Variants in LMNB2 observed in about 807,000 individuals in gnomAD.
The protein encoded by LMNB2 is lamin-B2.
LMNB2 carries 17 observed loss-of-function variants against 69.3 expected under a neutral mutation model. The observed-to-expected ratio is 0.25, with a 90% CI of 0.17 to 0.37. LMNB2 has a LOEUF of 0.37. LMNB2 is among the 10% of genes least tolerant of loss of function. LMNB2 has a pLI of 1.00. For missense variants in LMNB2, 789 were observed against 883.6 expected (o/e 0.89, Z 1.36); for synonymous variants, 397 against 389.3 (o/e 1.02, Z -0.23).
chr19:2,452,953 C>A lies in LMNB2; in HGVS notation c.264+3717G>T, dbSNP rs75153795. On this transcript the variant is annotated intron_variant, in intron 1 of 11. Coordinates refer to ENST00000325327, the MANE Select transcript of LMNB2 (RefSeq NM_032737.4). ...GGGGGCTGCGTCATCCTCATGGGGG[C>A]TGGGTCATCCTAATGGGGGATGGGT... Among the ~76,000 whole-genome samples the A allele has an allele frequency of 3.6e-4, 33 of 91,464 alleles. No individual in the cohort carries two copies. The East Asian group carries it at 6.9e-3, about 19-fold the overall frequency. The allele number at this position is 91,464 out of a possible 152,430, so 60.0% of individuals were successfully genotyped here.
chr19:2,439,546 C>A (rs901564143), intron 2 of LMNB2, among the ~76,000 whole-genome samples: 1 of 152,104 alleles, frequency 6.6e-6, no homozygotes, highest in Non-Finnish European at 1.5e-5. Flanking sequence ...CAGGAATCAC[C>A]CAGTGTCCCC....
At position 2,453,834 on chromosome 19, in the gene LMNB2, T is replaced by C. The variant is rs567028618; in HGVS notation, c.264+2836A>G. Among the ~76,000 whole-genome samples, 17 of 152,230 alleles carry C rather than the reference T, an allele frequency of 1.1e-4. No individual in the cohort carries two copies. The highest frequency in any genetic ancestry group is 3.1e-4 in the African/African-American group (13 of 41,556). The stretch of plus-strand genomic sequence containing the variant: ...AAGCTCCCTGCAGCTGTTCGTCCCA[T>C]TGGCAGGTGGGATAACAGAGGCCCA... On this transcript the variant is annotated intron_variant, in intron 1 of 11. Transcript: ENST00000325327. The surrounding 1 kb of genome is among the most constrained non-coding windows in gnomAD (Gnocchi z 4.4).
rs768869967 is a variant in LMNB2 at position 2,434,006 on chromosome 19, A to T, written c.1302T>A (p.Ser434Arg). Residue 434 changes from serine to arginine, a missense_variant, in exon 8 of 12, where the codon AGT becomes AGA. Ser to Arg is a moderately radical substitution (Grantham distance 110). Coordinates refer to ENST00000325327, the MANE Select transcript of LMNB2 (RefSeq NM_032737.4). Reference protein sequence around the residue: ...SLSATGRLGRSKRKRLEVEEP... With the variant: ...SLSATGRLGRRKRKRLEVEEP... ...CCTCCACCTCCAGCCGCTTCCGCTT[A>T]CTGCGGCCCAGGCGCCCGGTGGCGG... The T allele has an allele frequency of 9.3e-6, 15 of 1,608,928 alleles. No individual in the cohort carries two copies. The highest frequency in any genetic ancestry group is 1.2e-5 in the Non-Finnish European group (14 of 1,178,738).
intron 1 of LMNB2, among the ~76,000 whole-genome samples, chr19:2,454,560 G>A (rs1043409085): frequency 2.6e-5 from 4 of 152,254 alleles, no homozygotes; most frequent in Middle Eastern, 3.4e-3. Flanking sequence ...AGGTCACACA[G>A]AGGGTAAGTG....
intron 1 of LMNB2, among the ~76,000 whole-genome samples, 187 bp from the exon 2 acceptor site, chr19:2,444,727 T>C (rs1971934473): frequency 6.6e-6 from 1 of 152,138 alleles, no homozygotes; most frequent in African/African-American, 2.4e-5. Context: ...GGGAGCCCCC[T>C]GTCGGGGAGG....
At chr19:2,450,393 T>C (rs1015159986) in intron 1 of LMNB2, among the ~76,000 whole-genome samples, 2 of 151,880 alleles carry the variant, frequency 1.3e-5, no homozygotes, top group African/African-American at 4.8e-5. Flanking sequence ...GAAGTCTGAA[T>C]ACATGATGGA....
chr19:2,456,009 G>A (rs1169901638), intron 1 of LMNB2, among the ~76,000 whole-genome samples: 2 of 151,184 alleles, frequency 1.3e-5, no homozygotes, highest in Non-Finnish European at 3.0e-5. Context: ...CGCGCACCCC[G>A]CGGTGGCCAG....
At chr19:2,454,678 G>A (rs974865895) in intron 1 of LMNB2, among the ~76,000 whole-genome samples, 6 of 152,066 alleles carry the variant, frequency 3.9e-5, no homozygotes, top group East Asian at 1.9e-4. Flanking sequence ...TGCAAATCCC[G>A]ACTTCGGCAC....
In LMNB2 at chr19:2,431,652, C is replaced by T; in HGVS notation, c.1717G>A (p.Ala573Thr). ...VLVNADGEEV[A>T]MRTVKKSSVM... is the part of the protein sequence containing the mutation. ...GAGGACTTCTTCACAGTCCTCATGG[C>T]CACTTCCTGTGCGGGACAGGACACG... Residue 573 changes from alanine (A) to threonine (T), a missense_variant, in exon 11 of 12, where the codon GCC becomes ACC. Ala to Thr is a moderately conservative substitution (Grantham distance 58). Transcript: ENST00000325327. 1.2e-6 allele frequency: 2 copies of T among 1,614,150 alleles called. No homozygotes were observed. Among genetic ancestry groups the T allele is most frequent in the Non-Finnish European group, 1.7e-6 (2 of 1,180,010 alleles).
rs142576899 is a variant in LMNB2 at position 2,446,687 on chromosome 19, C to T, written c.265-2147G>A. Among the ~76,000 whole-genome samples, 1,165 of 152,326 alleles carry T rather than the reference C, an allele frequency of 7.6e-3. 7 individuals are homozygous for T. The highest frequency in any genetic ancestry group is 0.014 in the Non-Finnish European group (946 of 68,032). On this transcript the variant is annotated intron_variant, in intron 1 of 11. Coordinates refer to ENST00000325327, the MANE Select transcript of LMNB2 (RefSeq NM_032737.4). ...GGTGCGGGCGAGTACGCAGAGAAATCGGAACCTCACAGGCAGCGGCAGGAA... is the reference window on the plus strand; with the variant it reads ...GGTGCGGGCGAGTACGCAGAGAAATTGGAACCTCACAGGCAGCGGCAGGAA...
Position 2,456,843 on chromosome 19 carries a change from C to G in LMNB2, c.91G>C (p.Gly31Arg), listed in dbSNP as rs1262905398. 1 of 1,321,552 alleles carries G rather than the reference C, an allele frequency of 7.6e-7. No individual in the cohort carries two copies. The highest frequency in any genetic ancestry group is 9.7e-7 in the Non-Finnish European group (1 of 1,027,296). 81.9% of individuals were successfully genotyped at this position (1,321,552 alleles called of 1,614,324 possible). The part of the protein sequence containing the change: ...MATPLPGRAG[G>R]PATPLSPTRL... ...GTGGGCGACAGCGGCGTGGCGGGCC[C>G]GCCCGCGCGGCCGGGCAGCGGCGTG... The change falls in exon 1 of 12, where the codon GGG becomes CGG. Residue 31 changes from glycine (G) to arginine (R), a missense_variant. By Grantham distance (125) the Gly-to-Arg change is moderately radical. Coordinates refer to ENST00000325327, the MANE Select transcript of LMNB2 (RefSeq NM_032737.4).
At chr19:2,450,275 G>A (rs1972006936) in intron 1 of LMNB2, among the ~76,000 whole-genome samples, 1 of 152,044 alleles carries the variant, frequency 6.6e-6, no homozygotes, top group South Asian at 2.1e-4. Context: ...GGAACGTGGG[G>A]GAAACTATCA....
rs59867677 is a variant in LMNB2 at position 2,437,799 on chromosome 19, C to CAAAAAAAAAA, written c.684+363_684+364insTTTTTTTTTT. ...TGGGTGACAGAGTGAAACTCCATCT[C>CAAAAAAAAAA]AAAAAAAGACGTGCCCACATCCCGA... On this transcript the variant is annotated intron_variant, in intron 4 of 11. Coordinates refer to ENST00000325327, the MANE Select transcript of LMNB2 (RefSeq NM_032737.4). Among the ~76,000 whole-genome samples the CAAAAAAAAAA allele has an allele frequency of 8.7e-5, 12 of 138,604 alleles. 1 individual carries two copies. The highest frequency in any genetic ancestry group is 9.2e-5 in the Non-Finnish European group (6 of 65,496). The allele number at this position is 138,604 out of a possible 152,430, so 90.9% of individuals were successfully genotyped here.
At position 2,456,897 on chromosome 19, in the gene LMNB2, G is replaced by A. The variant is rs1296402064; in HGVS notation, c.37C>T (p.Arg13Cys). 2.9e-6 allele frequency: 3 copies of A among 1,029,626 alleles called. No individual in the cohort carries two copies. The highest frequency in any genetic ancestry group is 2.3e-6 in the Non-Finnish European group (2 of 860,666). 63.8% of individuals were successfully genotyped at this position (1,029,626 alleles called of 1,614,324 possible). ...ATGGTGGCGGCGGCTCGCGGCCTGC[G>A]CTGCTCCCGACGGCGGCCCGGGCTC... The part of the protein sequence containing the change: ...PPSPGRRREQ[R>C]RPRAAATMAT... The change falls in exon 1 of 12, where the codon CGC becomes TGC. Residue 13 changes from arginine (R) to cysteine (C), a missense_variant. Physicochemically the swap from Arg to Cys is radical, Grantham distance 180. Transcript: ENST00000325327.
At chr19:2,431,309 C>T (rs1971735881) in intron 11 of LMNB2, among the ~76,000 whole-genome samples, 1 of 152,146 alleles carries the variant, frequency 6.6e-6, no homozygotes, top group Non-Finnish European at 1.5e-5. Context: ...CTCAGGGGAC[C>T]CCCTGGCCAG....
At chr19:2,451,583 C>T (rs1473514460) in intron 1 of LMNB2, among the ~76,000 whole-genome samples, 3 of 152,142 alleles carry the variant, frequency 2.0e-5, no homozygotes, top group East Asian at 1.9e-4. Context: ...GCTTGTGAGG[C>T]GCTGCAAAGG....
chr19:2,456,819 T>C lies in LMNB2; in HGVS notation c.115A>G (p.Thr39Ala). ...AGGPATPLSP[T>A]RLSRLQEKEE... Reference sequence around the variant, plus strand: ...TTCTCCTGCAGCCGCGACAGGCGCGTGGGCGACAGCGGCGTGGCGGGCCCG... The same window carrying C: ...TTCTCCTGCAGCCGCGACAGGCGCGCGGGCGACAGCGGCGTGGCGGGCCCG... Residue 39 changes from threonine (T) to alanine (A), a missense_variant, in exon 1 of 12, where the codon ACG becomes GCG. Physicochemically the swap from Thr to Ala is moderately conservative, Grantham distance 58. Coordinates refer to ENST00000325327, the MANE Select transcript of LMNB2 (RefSeq NM_032737.4). 1 of 1,460,470 alleles carries C rather than the reference T, an allele frequency of 6.8e-7. No homozygotes were observed. The highest frequency in any genetic ancestry group is 9.1e-7 in the Non-Finnish European group (1 of 1,098,172). The allele number at this position is 1,460,470 out of a possible 1,614,324, so 90.5% of individuals were successfully genotyped here. A position where few individuals can be genotyped will look rare whatever the true frequency, so the allele number is the denominator to read the frequency against.
chr19:2,450,183 AAAC>A (rs1199201204), intron 1 of LMNB2, among the ~76,000 whole-genome samples: 11 of 151,686 alleles, frequency 7.3e-5, no homozygotes, highest in African/African-American at 2.4e-4. Context: ...ACGATGAGCA[AAAC>A]AACACACAAA....
At chr19:2,449,828 C>T (rs1224793225) in intron 1 of LMNB2, among the ~76,000 whole-genome samples, 1 of 151,994 alleles carries the variant, frequency 6.6e-6, no homozygotes, top group Admixed American at 6.6e-5. Context: ...GTCATCCCAG[C>T]ACTTCGGGAG....
Sources: gnomAD v4.1 joint callset for allele counts (sites outside exome capture counted in the v4.1 genomes callset) on GRCh38, gnomAD v4.1.1 for gene constraint, Gnocchi (gnomAD v3.1) non-coding constraint, MANE v1.5 for transcripts, NCBI Gene and HGNC (gene_info 2026-07-23, HGNC 2026-07-21) for gene names.